MTHFD1L: variants seen among roughly 807,000 people sequenced by gnomAD.
MTHFD1L encodes the protein monofunctional C1-tetrahydrofolate synthase, mitochondrial.
A neutral mutation model predicts 119.5 loss-of-function variants in MTHFD1L; 81 were observed. The ratio of observed to expected loss-of-function variants is 0.68; its 90% confidence interval spans 0.57 to 0.82. The LOEUF is 0.82. MTHFD1L is among the 40% of genes least tolerant of loss of function. The pLI is 0.00. For synonymous variants in MTHFD1L, 430 were observed against 475.2 expected, an observed-to-expected ratio of 0.90 and a Z score of 1.24; for missense variants, 1,125 against 1,253.4, an observed-to-expected ratio of 0.90 and a Z score of 1.55.
At chr6:150,963,457 ACAT>A (rs926018331) in intron 18 of MTHFD1L, among the ~76,000 whole-genome samples, 110 of 152,348 alleles carry the variant, frequency 7.2e-4, no homozygotes, top group African/African-American at 2.5e-3. Context: ...ATACTTCAAA[ACAT>A]CATGTTATAC....
chr6:150,955,045 G>A (rs1162802193), intron 16 of MTHFD1L, among the ~76,000 whole-genome samples: 1 of 148,632 alleles, frequency 6.7e-6, no homozygotes, highest in Non-Finnish European at 1.5e-5. Context: ...TATACATAAC[G>A]AAATATTTTT....
chr6:150,958,293 T>C (rs1209500016), intron 17 of MTHFD1L, among the ~76,000 whole-genome samples: 1 of 152,154 alleles, frequency 6.6e-6, no homozygotes, highest in African/African-American at 2.4e-5. Context: ...CCACATCATA[T>C]CTCATAGAGG....
chr6:150,994,451 G>A (rs1308419748), intron 20 of MTHFD1L, among the ~76,000 whole-genome samples: 1 of 151,870 alleles, frequency 6.6e-6, no homozygotes, highest in Admixed American at 6.6e-5. Context: ...CACTGTCAGC[G>A]TGACGACAGT....
chr6:151,010,049 A>G, intron 21 of MTHFD1L, 91 bp downstream of exon 21: 2 of 1,412,296 alleles, frequency 1.4e-6, no homozygotes, highest in Non-Finnish European at 1.9e-6. Context: ...CCATTTAATG[A>G]CTATAGTTTT....
chr6:150,901,999 A>G (rs907185524), intron 7 of MTHFD1L, among the ~76,000 whole-genome samples: 7 of 152,132 alleles, frequency 4.6e-5, no homozygotes, highest in African/African-American at 1.7e-4. Flanking sequence ...TTTGAAATAT[A>G]TACAGATCTC....
intron 27 of MTHFD1L, among the ~76,000 whole-genome samples, chr6:151,096,535 C>A (rs77261982): frequency 0.01 from 1,538 of 152,296 alleles, 21 homozygotes; most frequent in African/African-American, 0.035. Context: ...TCAGGGACCA[C>A]TTCTACTAAT....
chr6:150,946,009 TA>T (rs199690183), intron 15 of MTHFD1L, among the ~76,000 whole-genome samples: 23 of 151,514 alleles, frequency 1.5e-4, no homozygotes, highest in African/African-American at 4.4e-4. Context: ...GCCCATCTCT[TA>T]AAAAAAAATA....
chr6:151,067,555 C>T (rs368534705), intron 26 of MTHFD1L, among the ~76,000 whole-genome samples: 2 of 152,324 alleles, frequency 1.3e-5, no homozygotes, highest in East Asian at 3.9e-4. Flanking sequence ...AACTCCTGGC[C>T]TCAAGTGATC....
intron 26 of MTHFD1L, among the ~76,000 whole-genome samples, chr6:151,083,131 C>T (rs1793369611): frequency 6.6e-6 from 1 of 152,116 alleles, no homozygotes; most frequent in South Asian, 2.1e-4. Flanking sequence ...GTGATCATTA[C>T]AGTGAAATAA....
rs1442900530 is a variant in MTHFD1L at position 150,905,673 on chromosome 6, C to T, written c.804C>T (p.Val268=). ...AGCTTCACGAGGCTGACATTGTGGTCCTAGGCTCACCTAAGCCAGAAGAGA... is the reference window on the plus strand; with the variant it reads ...AGCTTCACGAGGCTGACATTGTGGTTCTAGGCTCACCTAAGCCAGAAGAGA... The part of the protein sequence containing the change: ...QSKLHEADIV[V]LGSPKPEEIP... Residue 268 remains valine, a synonymous_variant, in exon 8 of 28, where the codon GTC becomes GTT. Coordinates refer to ENST00000367321, the MANE Select transcript of MTHFD1L (RefSeq NM_015440.5). 4 of 1,613,806 alleles carry T rather than the reference C, an allele frequency of 2.5e-6. No homozygotes were observed. Among genetic ancestry groups the T allele is most frequent in the Non-Finnish European group, 3.4e-6 (4 of 1,179,936 alleles).
chr6:150,911,699 C>T (rs1420204103), intron 8 of MTHFD1L, among the ~76,000 whole-genome samples: 5 of 151,956 alleles, frequency 3.3e-5, no homozygotes, highest in Admixed American at 6.6e-5. Context: ...ATACACGAGA[C>T]GGGGAAGAAA....
intron 20 of MTHFD1L, among the ~76,000 whole-genome samples, chr6:151,009,500 C>G (rs970561986): frequency 6.6e-6 from 1 of 151,984 alleles, no homozygotes; most frequent in Non-Finnish European, 1.5e-5. Context: ...TGCCGCTGTA[C>G]TCCAGCCTGT....
chr6:151,089,715 A>T (rs954138583), intron 26 of MTHFD1L, among the ~76,000 whole-genome samples: 1 of 152,262 alleles, frequency 6.6e-6, no homozygotes, highest in African/African-American at 2.4e-5. Flanking sequence ...GGAAAAAAAT[A>T]TGTGTCCACC....
chr6:151,064,238 C>T (rs903632006), intron 26 of MTHFD1L, among the ~76,000 whole-genome samples: 10 of 152,104 alleles, frequency 6.6e-5, no homozygotes, highest in African/African-American at 1.7e-4. Flanking sequence ...AAAAGTACTA[C>T]GTATGTCATA....
intron 20 of MTHFD1L, among the ~76,000 whole-genome samples, chr6:150,998,609 C>T (rs949599480): frequency 6.7e-6 from 1 of 149,712 alleles, no homozygotes; most frequent in African/African-American, 2.5e-5. Flanking sequence ...GTGGAAAATT[C>T]CACACCTGAT....
chr6:151,090,575 G>A (rs529465156), intron 26 of MTHFD1L, among the ~76,000 whole-genome samples: 2 of 152,360 alleles, frequency 1.3e-5, no homozygotes, highest in South Asian at 4.1e-4. Flanking sequence ...GGGAAACCTC[G>A]AGTCACGACT....
At chr6:150,896,661 A>G (rs907111044) in intron 7 of MTHFD1L, among the ~76,000 whole-genome samples, 13 of 152,120 alleles carry the variant, frequency 8.5e-5, no homozygotes, top group African/African-American at 2.7e-4. Context: ...CTGTCTGATC[A>G]TTGCTCTGTT....
chr6:151,057,012 C>T (rs560676314), intron 26 of MTHFD1L, among the ~76,000 whole-genome samples: 52 of 152,108 alleles, frequency 3.4e-4, no homozygotes, highest in African/African-American at 1.0e-3. Flanking sequence ...TGCTTTTTCC[C>T]CCAGGGAATG....
intron 24 of MTHFD1L, among the ~76,000 whole-genome samples, chr6:151,028,596 A>C (rs550348491): frequency 1.6e-4 from 24 of 152,286 alleles, no homozygotes; most frequent in African/African-American, 5.8e-4. Flanking sequence ...AGGGGCCTGT[A>C]GAGCCGTCAC....
Sources: allele counts gnomAD v4.1 joint callset (sites outside exome capture counted in the v4.1 genomes callset), GRCh38; gene constraint gnomAD v4.1.1; transcripts MANE v1.5; gene names NCBI Gene and HGNC (gene_info 2026-07-23, HGNC 2026-07-21).